ENPP6: variants seen among roughly 807,000 people sequenced by gnomAD.
ENPP6 encodes the protein ectonucleotide pyrophosphatase/phosphodiesterase 6, also known as glycerophosphocholine cholinephosphodiesterase ENPP6.
A neutral mutation model predicts 42.0 loss-of-function variants in ENPP6; 32 were observed. The ratio of observed to expected loss-of-function variants is 0.76; its 90% CI spans 0.58 to 1.02. The LOEUF (loss-of-function observed/expected upper bound fraction) is 1.02. ENPP6 is among the 50% of genes least tolerant of loss of function. The pLI is 0.00. For missense variants in ENPP6, 552 were observed against 566.8 expected (o/e 0.97, Z 0.27); for synonymous variants, 213 against 216.0 (o/e 0.99, Z 0.12).
rs35771707 is a variant in ENPP6 at position 184,183,500 on chromosome 4, TACAC to T, written c.242-29771_242-29768del. ...TAAAACACACATGCACATGCATGTA[TACAC>T]ACACACACACACACATTCACACACA... is the stretch of plus-strand genomic sequence containing the variant. On this transcript the variant is annotated intron_variant, in intron 1 of 7. Coordinates refer to ENST00000296741, the MANE Select transcript of ENPP6 (RefSeq NM_153343.4). 2.6e-4 allele frequency among the ~76,000 whole-genome samples: 39 copies of T among 148,386 alleles called. 1 individual carries two copies. The highest frequency in any genetic ancestry group is 2.1e-3 in the East Asian group (11 of 5,144).
At chr4:184,165,680 G>C (rs188133892) in intron 1 of ENPP6, among the ~76,000 whole-genome samples, 1 of 152,312 alleles carries the variant, frequency 6.6e-6, no homozygotes, top group East Asian at 1.9e-4. Flanking sequence ...CAACAAAGGA[G>C]ATGGTAATGT....
chr4:184,130,557 CAA>C (rs200516934), intron 2 of ENPP6, among the ~76,000 whole-genome samples: 1 of 36,356 alleles, frequency 2.8e-5, no homozygotes, highest in East Asian at 6.0e-4. Context: ...GACTCCAAAT[CAA>C]ACAAAACAAA....
At chr4:184,179,628 T>G (rs1732516167) in intron 1 of ENPP6, among the ~76,000 whole-genome samples, 2 of 152,152 alleles carry the variant, frequency 1.3e-5, no homozygotes. Flanking sequence ...AAATCACTTT[T>G]CAGCAAATGC....
chr4:184,150,356 G>A (rs1560993520), intron 2 of ENPP6, among the ~76,000 whole-genome samples: 3 of 152,096 alleles, frequency 2.0e-5, no homozygotes, highest in African/African-American at 7.2e-5. Flanking sequence ...GAAACTCAGC[G>A]TGTCATAACC....
chr4:184,192,824 G>T (rs1371911270), intron 1 of ENPP6, among the ~76,000 whole-genome samples: 1 of 152,106 alleles, frequency 6.6e-6, no homozygotes, highest in Non-Finnish European at 1.5e-5. Context: ...TTATCACACA[G>T]TCCACAAGCA....
chr4:184,127,684 T>A (rs4862316), intron 2 of ENPP6, among the ~76,000 whole-genome samples: 1 of 152,108 alleles, frequency 6.6e-6, no homozygotes, highest in African/African-American at 2.4e-5. Flanking sequence ...TTGAACCTGG[T>A]GGGTGGAGGT....
chr4:184,198,967 C>G (rs961202844), intron 1 of ENPP6, among the ~76,000 whole-genome samples: 8 of 152,182 alleles, frequency 5.3e-5, no homozygotes, highest in Non-Finnish European at 1.0e-4. Context: ...GCCCTGATGA[C>G]CTGAATGGCT....
At chr4:184,142,937 T>C (rs1048523114) in intron 2 of ENPP6, among the ~76,000 whole-genome samples, 5 of 152,192 alleles carry the variant, frequency 3.3e-5, no homozygotes, top group African/African-American at 1.2e-4. Context: ...ACGACTGGAA[T>C]TACAGCCCCT....
chr4:184,120,747 C>T (rs540049514), intron 3 of ENPP6, among the ~76,000 whole-genome samples: 5 of 152,304 alleles, frequency 3.3e-5, no homozygotes, highest in South Asian at 2.1e-4. Flanking sequence ...CACATGGCTC[C>T]GGTGCCTGGG....
chr4:184,114,781 G>A (rs200435875), intron 5 of ENPP6, among the ~76,000 whole-genome samples: 2 of 147,184 alleles, frequency 1.4e-5, no homozygotes, highest in African/African-American at 2.5e-5. Context: ...AAAAAAAAAA[G>A]AAAAAAAGAA....
At chr4:184,166,802 C>T (rs1042340670) in intron 1 of ENPP6, among the ~76,000 whole-genome samples, 6 of 152,226 alleles carry the variant, frequency 3.9e-5, no homozygotes, top group African/African-American at 1.2e-4. Flanking sequence ...CCTGAAGCAC[C>T]TCCGTCTTCT....
intron 6 of ENPP6, among the ~76,000 whole-genome samples, chr4:184,098,152 T>G (rs1211930132): frequency 6.6e-6 from 1 of 152,212 alleles, no homozygotes; most frequent in Non-Finnish European, 1.5e-5. Flanking sequence ...TTCAGTGATT[T>G]GTCCTAGTGA....
Position 184,124,277 on chromosome 4 carries a change from G to A in ENPP6, c.422-5C>T. 1 of 1,607,870 alleles carries A rather than the reference G, an allele frequency of 6.2e-7. No individual in the cohort carries two copies. Among genetic ancestry groups the A allele is most frequent in the Non-Finnish European group, 8.5e-7 (1 of 1,175,262 alleles). Reference sequence around the variant, plus strand: ...CCAGAATCTCAACCTCACAGCCTGAGAAGGAAAAAGATGGCAAATAGTTAC... The same window carrying A: ...CCAGAATCTCAACCTCACAGCCTGAAAAGGAAAAAGATGGCAAATAGTTAC... On this transcript the variant is annotated splice_region_variant and splice_polypyrimidine_tract_variant and intron_variant, in intron 2 of 7. Coordinates refer to ENST00000296741, the MANE Select transcript of ENPP6 (RefSeq NM_153343.4).
chr4:184,209,041 A>G lies in ENPP6; in HGVS notation c.241+8538T>C, dbSNP rs1454449519. Among the ~76,000 whole-genome samples, 35 of 146,434 alleles carry G rather than the reference A, an allele frequency of 2.4e-4. 1 individual carries two copies. In the East Asian group the frequency reaches 4.3e-3, roughly 18 times the overall value. On this transcript the variant is annotated intron_variant, in intron 1 of 7. Transcript: ENST00000296741. ...GCTGAGGGTCCTGTCTGTTAGAAGGAAAACTAACAAACAGAAAGGACATCC... is the reference window on the plus strand; with the variant it reads ...GCTGAGGGTCCTGTCTGTTAGAAGGGAAACTAACAAACAGAAAGGACATCC...
rs1459361521 is a variant in ENPP6 at position 184,112,798 on chromosome 4, T to G, written c.867A>C (p.Lys289Asn). The G allele has an allele frequency of 6.2e-7, 1 of 1,613,214 alleles. No individual in the cohort carries two copies. The highest frequency in any genetic ancestry group is 2.2e-5 in the East Asian group (1 of 44,872). Residue 289 changes from lysine to asparagine, a missense_variant, in exon 6 of 8, where the codon AAA becomes AAC. Physicochemically the swap from Lys to Asn is moderately conservative, Grantham distance 94 (BLOSUM62 0). Around this residue, in one of 2 missense-constraint regions of ENPP6, gnomAD observed 545 missense variants for 546.3 expected, o/e 1.00. Transcript: ENST00000296741. ...APGKHSEIYN[K>N]LSTVEHMTVY... ...CAGTCATGTGTTCCACTGTGCTCAGTTTGTTATATATCTGCAAAGAAAATC... is the reference window on the plus strand; with the variant it reads ...CAGTCATGTGTTCCACTGTGCTCAGGTTGTTATATATCTGCAAAGAAAATC...
chr4:184,114,478 C>T (rs921394313), intron 5 of ENPP6, among the ~76,000 whole-genome samples: 3 of 152,076 alleles, frequency 2.0e-5, no homozygotes, highest in Non-Finnish European at 4.4e-5. Context: ...TAAGGAAATC[C>T]GGAGTTCTTA....
Position 184,105,158 on chromosome 4 carries a change from C to A in ENPP6, c.993+7514G>T, listed in dbSNP as rs368894972. On this transcript the variant is annotated intron_variant, in intron 6 of 7. Transcript: ENST00000296741. ...TGCACTGGAAGAATTGTTTTCACAA[C>A]CAGAAAAATTTTGGTTCGGGTCTAT... 6.6e-5 allele frequency among the ~76,000 whole-genome samples: 10 copies of A among 152,210 alleles called. No homozygotes were observed. The East Asian group carries it at 9.6e-4, about 15-fold the overall frequency.
chr4:184,163,364 T>C (rs148742156), intron 1 of ENPP6, among the ~76,000 whole-genome samples: 2 of 152,218 alleles, frequency 1.3e-5, no homozygotes, highest in African/African-American at 4.8e-5. Flanking sequence ...AAGGCCACAA[T>C]TCCAATAAGT....
intron 1 of ENPP6, among the ~76,000 whole-genome samples, chr4:184,163,555 A>C (rs1041560530): frequency 6.6e-6 from 1 of 152,232 alleles, no homozygotes; most frequent in African/African-American, 2.4e-5. Flanking sequence ...TTAAAAAAAA[A>C]CACAACATTG....
Sources: gnomAD v4.1 joint callset for allele counts (sites outside exome capture counted in the v4.1 genomes callset) on GRCh38, gnomAD v4.1.1 for gene constraint, gnomAD v4.1.1 regional missense constraint, MANE v1.5 for transcripts, NCBI Gene and HGNC (gene_info 2026-07-23, HGNC 2026-07-21) for gene names.